CSMD1: variants seen among roughly 807,000 people sequenced by gnomAD.
CSMD1 encodes CUB and sushi domain-containing protein 1.
A neutral mutation model predicts 417.5 loss-of-function variants in CSMD1; 213 were observed. That is an observed-to-expected ratio of 0.51 (90% CI 0.46 to 0.57). The LOEUF (loss-of-function observed/expected upper bound fraction) is 0.57. Among genes scored for constraint, CSMD1 ranks in the 20% least tolerant of loss-of-function variants. The pLI, the probability that CSMD1 is intolerant of heterozygous loss-of-function variation, is 0.00. For synonymous variants in CSMD1, 2,862 were observed against 1,736.8 expected, an observed-to-expected ratio of 1.65 and a Z score of -16.11; for missense variants, 6,923 against 4,529.7, an observed-to-expected ratio of 1.53 and a Z score of -15.17.
chr8:4,290,871 A>T (rs1335306098), intron 3 of CSMD1, among the ~76,000 whole-genome samples: 3 of 152,202 alleles, frequency 2.0e-5, no homozygotes, highest in African/African-American at 7.2e-5. Flanking sequence ...CTTGTGACTC[A>T]TCATCCTTTA....
At chr8:3,982,684 C>T (rs919514960) in intron 5 of CSMD1, among the ~76,000 whole-genome samples, 4 of 151,718 alleles carry the variant, frequency 2.6e-5, no homozygotes, top group African/African-American at 7.3e-5. Context: ...GGTGGCGGAC[C>T]GGAAGCCTCA....
intron 5 of CSMD1, among the ~76,000 whole-genome samples, chr8:3,912,828 A>G (rs1221628777): frequency 1.3e-5 from 2 of 152,174 alleles, no homozygotes; most frequent in African/African-American, 4.8e-5. Context: ...TTATGATTTA[A>G]ATTATATTCT....
Position 3,796,208 on chromosome 8 carries a change from C to G in CSMD1, c.819-42166G>C, listed in dbSNP as rs1165505589. Among the ~76,000 whole-genome samples the G allele has an allele frequency of 4.6e-4, 17 of 37,214 alleles. 1 individual carries two copies. The highest frequency in any genetic ancestry group is 1.0e-3 in the African/African-American group (11 of 10,612). 24.4% of individuals were successfully genotyped at this position (37,214 alleles called of 152,430 possible). A position where few individuals can be genotyped will look rare whatever the true frequency, so the allele number is the denominator to read the frequency against. ...ATCATAGATATAGATATATATCTAT[C>G]ATAGATATAGATATATATCTATCAT... On this transcript the variant is annotated intron_variant, in intron 5 of 69. Coordinates refer to ENST00000635120, the MANE Select transcript of CSMD1 (RefSeq NM_033225.6).
chr8:3,807,034 A>C (rs1051204928), intron 5 of CSMD1, among the ~76,000 whole-genome samples: 1 of 152,148 alleles, frequency 6.6e-6, no homozygotes, highest in Non-Finnish European at 1.5e-5. Context: ...TAACCCAGGC[A>C]GTCTGACTCA....
intron 5 of CSMD1, among the ~76,000 whole-genome samples, chr8:3,787,749 G>A (rs1799526342): frequency 6.6e-6 from 1 of 152,134 alleles, no homozygotes; most frequent in African/African-American, 2.4e-5. Flanking sequence ...CCCTGTATGG[G>A]GAAGTTAAGA....
At chr8:4,209,218 A>G (rs1056039388) in intron 3 of CSMD1, among the ~76,000 whole-genome samples, 6 of 151,768 alleles carry the variant, frequency 4.0e-5, no homozygotes. Flanking sequence ...CAACACTTTT[A>G]AAAAGACACT....
At chr8:4,514,292 T>G (rs994444084) in intron 2 of CSMD1, among the ~76,000 whole-genome samples, 7 of 152,118 alleles carry the variant, frequency 4.6e-5, no homozygotes, top group African/African-American at 1.7e-4. Context: ...CCACTCTTAT[T>G]ATCTCATTTA....
chr8:4,256,886 C>G (rs1045121926), intron 3 of CSMD1, among the ~76,000 whole-genome samples: 1 of 152,134 alleles, frequency 6.6e-6, no homozygotes, highest in East Asian at 1.9e-4. Context: ...CGCTACTGGA[C>G]GATGTGGTTC....
chr8:4,879,277 A>C (rs1803248264), intron 1 of CSMD1, among the ~76,000 whole-genome samples: 1 of 152,006 alleles, frequency 6.6e-6, no homozygotes, highest in Admixed American at 6.6e-5. Context: ...TAGGGGAGAT[A>C]GTTTCAATTT....
chr8:4,396,037 G>A (rs1166600578), intron 3 of CSMD1, among the ~76,000 whole-genome samples: 1 of 152,182 alleles, frequency 6.6e-6, no homozygotes, highest in Non-Finnish European at 1.5e-5. Flanking sequence ...TATAGAAGGA[G>A]TAGCTAGCTA....
intron 1 of CSMD1, among the ~76,000 whole-genome samples, chr8:4,972,375 C>T (rs1810294328): frequency 6.6e-6 from 1 of 152,082 alleles, no homozygotes; most frequent in African/African-American, 2.4e-5. Flanking sequence ...ATCATGGGAG[C>T]AGTTCCCCCC....
chr8:3,485,304 A>G (rs774984481), intron 11 of CSMD1, among the ~76,000 whole-genome samples: 7 of 152,184 alleles, frequency 4.6e-5, no homozygotes, highest in Non-Finnish European at 8.8e-5. Context: ...GTAACACACT[A>G]CGTGCTTCTA....
intron 7 of CSMD1, among the ~76,000 whole-genome samples, chr8:3,646,014 C>A: frequency 6.7e-6 from 1 of 150,246 alleles, no homozygotes. Context: ...TCTGTTATAG[C>A]ATTAACAAAA....
At chr8:4,797,620 G>C (rs1405622735) in intron 1 of CSMD1, among the ~76,000 whole-genome samples, 1 of 152,118 alleles carries the variant, frequency 6.6e-6, no homozygotes, top group African/African-American at 2.4e-5. Flanking sequence ...AAAAGAGATT[G>C]AAACAGTATA....
intron 26 of CSMD1, among the ~76,000 whole-genome samples, chr8:3,272,254 T>A (rs1801919718): frequency 7.0e-6 from 1 of 143,870 alleles, no homozygotes; most frequent in Admixed American, 7.1e-5. Flanking sequence ...TATGCGGCGT[T>A]ATTTCTGAGG....
chr8:3,684,751 T>G (rs923265680), intron 7 of CSMD1, among the ~76,000 whole-genome samples: 1 of 152,044 alleles, frequency 6.6e-6, no homozygotes, highest in Non-Finnish European at 1.5e-5. Context: ...GATACAGTTT[T>G]AAAATAGAGT....
chr8:3,844,991 A>G (rs1216458682), intron 5 of CSMD1, among the ~76,000 whole-genome samples: 1 of 152,210 alleles, frequency 6.6e-6, no homozygotes, highest in Non-Finnish European at 1.5e-5. Context: ...GATACTGCAC[A>G]AACTTTAAAA....
At chr8:2,974,668 A>C (rs1398107226) in intron 55 of CSMD1, 44 bp from the exon 56 acceptor site, 7 of 1,449,912 alleles carry the variant, frequency 4.8e-6, no homozygotes, top group Non-Finnish European at 6.5e-6. Flanking sequence ...CTTCCAGTTA[A>C]ACCACTTTGT....
intron 3 of CSMD1, among the ~76,000 whole-genome samples, chr8:4,375,130 A>G (rs972388744): frequency 7.2e-5 from 11 of 152,278 alleles, no homozygotes; most frequent in African/African-American, 2.6e-4. Flanking sequence ...AAAAATGGCA[A>G]CTGTAGATAG....
Sources: gnomAD v4.1 joint callset for allele counts (sites outside exome capture counted in the v4.1 genomes callset) on GRCh38, gnomAD v4.1.1 for gene constraint, MANE v1.5 for transcripts, NCBI Gene and HGNC (gene_info 2026-07-23, HGNC 2026-07-21) for gene names.